Variants in PAPOLA observed in about 807,000 individuals in gnomAD.
The protein encoded by PAPOLA is polynucleotide adenylyltransferase alpha.
Under a neutral mutation model 100.6 loss-of-function variants are expected in PAPOLA, and 15 were observed. The observed-to-expected ratio is 0.15, with a 90% CI of 0.10 to 0.23. The LOEUF (loss-of-function observed/expected upper bound fraction) is 0.23, where lower values mean the gene tolerates loss of function less well. Among genes scored for constraint, PAPOLA ranks in the 10% least tolerant of loss-of-function variants. The pLI is 1.00. For synonymous variants in PAPOLA, 293 were observed against 300.0 expected, an observed-to-expected ratio of 0.98 and a Z score of 0.24; for missense variants, 533 against 884.2, an observed-to-expected ratio of 0.60 and a Z score of 5.04.
In PAPOLA at chr14:96,525,409, T is replaced by C; in HGVS notation, c.331+18T>C. On this transcript the variant is annotated intron_variant, in intron 4 of 21. Transcript: ENST00000216277. ...TACAAAAGGTAAGTATTATTTCATT[T>C]TTCTTAGAAAGGGACCCTTTAGTTC... 1 of 1,093,962 alleles carries C rather than the reference T, an allele frequency of 9.1e-7. No individual in the cohort carries two copies. The highest frequency in any genetic ancestry group is 2.5e-5 in the East Asian group (1 of 39,618). The allele number at this position is 1,093,962 out of a possible 1,614,324, so 67.8% of individuals were successfully genotyped here. A position where few individuals can be genotyped will look rare whatever the true frequency, so the allele number is the denominator to read the frequency against.
At chr14:96,514,630 T>G (rs1022294029) in intron 1 of PAPOLA, among the ~76,000 whole-genome samples, 3 of 152,248 alleles carry the variant, frequency 2.0e-5, no homozygotes, top group African/African-American at 7.2e-5. Flanking sequence ...CTATTCTTTC[T>G]AAGTTCCTAA....
intron 3 of PAPOLA, among the ~76,000 whole-genome samples, chr14:96,522,955 G>A (rs1200144229): frequency 6.6e-6 from 1 of 152,166 alleles, no homozygotes; most frequent in African/African-American, 2.4e-5. Flanking sequence ...CAGGGAGACA[G>A]GGTGTCAACT....
chr14:96,514,434 G>A (rs1897309743), intron 1 of PAPOLA, among the ~76,000 whole-genome samples: 1 of 152,006 alleles, frequency 6.6e-6, no homozygotes, highest in Admixed American at 6.6e-5. Context: ...GCCCGCCTTG[G>A]CCTCCCAAAG....
At chr14:96,508,233 C>A (rs575229134) in intron 1 of PAPOLA, among the ~76,000 whole-genome samples, 1 of 152,120 alleles carries the variant, frequency 6.6e-6, no homozygotes, top group African/African-American at 2.4e-5. Context: ...CCCACCCCAA[C>A]CGTCTGTGAT....
intron 16 of PAPOLA, among the ~76,000 whole-genome samples, chr14:96,551,321 T>C (rs988330062): frequency 1.3e-5 from 2 of 152,178 alleles, no homozygotes; most frequent in African/African-American, 4.8e-5. Flanking sequence ...AATCCTCATA[T>C]CTAGTGGAGA....
chr14:96,504,179 T>C (rs542248770), intron 1 of PAPOLA: 25 of 152,340 alleles, frequency 1.6e-4, no homozygotes, highest in African/African-American at 5.1e-4. Context: ...TTGCTGTCTT[T>C]GAAAAGGGAC....
Position 96,536,014 on chromosome 14 carries a change from T to C in PAPOLA, c.1030+15T>C, listed in dbSNP as rs762845980. On this transcript the variant is annotated intron_variant, in intron 11 of 21. Transcript: ENST00000216277. The stretch of plus-strand genomic sequence containing the variant: ...GTTTAAACAAGGTAAGTGTTTATCC[T>C]TATGCTCTGATTTATACAGGAAGGA... 5.1e-6 allele frequency: 8 copies of C among 1,572,060 alleles called. No individual in the cohort carries two copies. Among genetic ancestry groups the C allele is most frequent in the Non-Finnish European group, 8.6e-7 (1 of 1,158,430 alleles).
chr14:96,523,057 A>T (rs1443882585), intron 3 of PAPOLA, among the ~76,000 whole-genome samples: 1 of 152,234 alleles, frequency 6.6e-6, no homozygotes, highest in Non-Finnish European at 1.5e-5. Flanking sequence ...ATTAAACTTC[A>T]GCAAATGTAG....
chr14:96,562,371 A>G (rs1214108813), intron 20 of PAPOLA: 1 of 148,162 alleles, frequency 6.7e-6, no homozygotes, highest in African/African-American at 2.5e-5. Context: ...TTTTAGACAT[A>G]TTTTCTACTT....
intron 19 of PAPOLA, 82 bp downstream of exon 19, chr14:96,556,495 A>G: frequency 1.1e-6 from 1 of 917,212 alleles, no homozygotes; most frequent in African/African-American, 1.7e-5. Context: ...AAGTTTATGA[A>G]CCAAAATAGA....
At chr14:96,561,268 A>C (rs541743231) in intron 20 of PAPOLA, among the ~76,000 whole-genome samples, 1 of 151,748 alleles carries the variant, frequency 6.6e-6, no homozygotes, top group South Asian at 2.1e-4. Flanking sequence ...TAAAAGACTC[A>C]TTTTTTTTCC....
At chr14:96,512,843 A>G (rs940073173) in intron 1 of PAPOLA, among the ~76,000 whole-genome samples, 1 of 152,198 alleles carries the variant, frequency 6.6e-6, no homozygotes, top group Non-Finnish European at 1.5e-5. Flanking sequence ...TCTGTGAGAA[A>G]GGTTCAAATT....
chr14:96,533,802 C>T, intron 9 of PAPOLA: 2 of 718,456 alleles, frequency 2.8e-6, no homozygotes, highest in Non-Finnish European at 1.7e-6. Context: ...ATCCGCCCGC[C>T]TCGGCCTCCC....
chr14:96,562,143 C>T (rs1901904421), intron 20 of PAPOLA, among the ~76,000 whole-genome samples: 3 of 152,088 alleles, frequency 2.0e-5, no homozygotes, highest in Non-Finnish European at 2.9e-5. Flanking sequence ...CTCCCCACCT[C>T]GGCCTCCCAA....
At chr14:96,528,099 G>A in intron 6 of PAPOLA, 93 bp downstream of exon 6, 1 of 796,500 alleles carries the variant, frequency 1.3e-6, no homozygotes, top group Non-Finnish European at 2.2e-6. Context: ...TTTATAATTA[G>A]TGAGTTGGTT....
At chr14:96,554,087 T>A (rs1186328002) in intron 17 of PAPOLA, among the ~76,000 whole-genome samples, 1 of 152,222 alleles carries the variant, frequency 6.6e-6, no homozygotes, top group East Asian at 1.9e-4. Flanking sequence ...TTTGAGTGTG[T>A]GCACAAATAT....
At chr14:96,517,209 C>T (rs1045607481) in intron 1 of PAPOLA, among the ~76,000 whole-genome samples, 2 of 151,994 alleles carry the variant, frequency 1.3e-5, no homozygotes, top group South Asian at 2.1e-4. Context: ...GCTTTACTTG[C>T]GTTAAAGTCA....
In PAPOLA at chr14:96,566,505, T is replaced by C. The variant is rs1006183257; in HGVS notation, c.*1455T>C. On this transcript the variant is annotated 3_prime_UTR_variant, in exon 22 of 22. Transcript: ENST00000216277. Reference sequence around the variant, plus strand: ...CTCCATTGTGCTCCATTCTATCACATGTGCATTTTTCATGTTAAACTGCAA... The same window carrying C: ...CTCCATTGTGCTCCATTCTATCACACGTGCATTTTTCATGTTAAACTGCAA... 1 of 152,570 alleles carries C rather than the reference T, an allele frequency of 6.6e-6. No homozygotes were observed. The highest frequency in any genetic ancestry group is 2.4e-5 in the African/African-American group (1 of 41,444). The allele number at this position is 152,570 out of a possible 1,614,324, so 9.5% of individuals were successfully genotyped here.
rs1017340460 is a variant in PAPOLA at position 96,567,094 on chromosome 14, A to T, written c.*2044A>T. On this transcript the variant is annotated 3_prime_UTR_variant, in exon 22 of 22. Transcript: ENST00000216277. Reference sequence around the variant, plus strand: ...TGTATTTCTCCATTGAAAACACAATAAAAAAAAAACAGCACAATCTCACAG... The same window carrying T: ...TGTATTTCTCCATTGAAAACACAATTAAAAAAAAACAGCACAATCTCACAG... 2.0e-5 allele frequency: 3 copies of T among 148,018 alleles called. No individual in the cohort carries two copies. Among genetic ancestry groups the T allele is most frequent in the Admixed American group, 1.4e-4 (2 of 14,784 alleles). The allele number at this position is 148,018 out of a possible 1,614,324, so 9.2% of individuals were successfully genotyped here. A position where few individuals can be genotyped will look rare whatever the true frequency, so the allele number is the denominator to read the frequency against.
Sources: gnomAD v4.1 joint callset for allele counts (sites outside exome capture counted in the v4.1 genomes callset) on GRCh38, gnomAD v4.1.1 for gene constraint, MANE v1.5 for transcripts, NCBI Gene and HGNC (gene_info 2026-07-23, HGNC 2026-07-21) for gene names.